The following NRG3 variants were observed in gnomAD, a reference collection of about 807,000 sequenced individuals.
The protein encoded by NRG3 is neuregulin 3.
Under a neutral mutation model 66.9 loss-of-function variants are expected in NRG3, and 31 were observed. That is an observed-to-expected ratio of 0.46 (90% CI 0.35 to 0.63). NRG3 has a LOEUF of 0.63. Among genes scored for constraint, NRG3 ranks in the 20% least tolerant of loss-of-function variants. NRG3 has a pLI of 0.00. For synonymous variants in NRG3, 393 were observed against 359.4 expected (o/e 1.09, Z -1.06); for missense variants, 910 against 878.9 (o/e 1.04, Z -0.45).
chr10:82,473,613 G>T (rs888581075), intron 2 of NRG3, among the ~76,000 whole-genome samples: 3 of 152,124 alleles, frequency 2.0e-5, no homozygotes, highest in African/African-American at 7.2e-5. Flanking sequence ...GAGCTTTGTG[G>T]CATTTTCACT....
chr10:82,144,422 A>G (rs1013065334), intron 1 of NRG3, among the ~76,000 whole-genome samples: 4 of 152,186 alleles, frequency 2.6e-5, no homozygotes, highest in Admixed American at 2.6e-4. Flanking sequence ...GTGTATTATC[A>G]TAGGCAACAC....
At chr10:82,427,324 C>A (rs528922064) in intron 2 of NRG3, among the ~76,000 whole-genome samples, 1 of 152,166 alleles carries the variant, frequency 6.6e-6, no homozygotes, top group Admixed American at 6.5e-5. Flanking sequence ...TTTTCATAAA[C>A]GCTCCTTATG....
chr10:82,335,196 G>A (rs78798069), intron 1 of NRG3, among the ~76,000 whole-genome samples: 3,405 of 152,276 alleles, frequency 0.022, 48 homozygotes, highest in African/African-American at 0.039. Context: ...TGAATTAGGA[G>A]TGATGATGTT....
intron 1 of NRG3, among the ~76,000 whole-genome samples, chr10:82,207,597 A>G (rs1203563386): frequency 3.9e-5 from 6 of 152,188 alleles, no homozygotes; most frequent in Non-Finnish European, 8.8e-5. Flanking sequence ...TCACGCTGCT[A>G]TGAAGAAATA....
At chr10:82,321,875 G>T (rs143315730) in intron 1 of NRG3, among the ~76,000 whole-genome samples, 30 of 152,090 alleles carry the variant, frequency 2.0e-4, no homozygotes, top group African/African-American at 5.8e-4. Context: ...TTGTATTCTT[G>T]TTGGGCAGTC....
chr10:82,872,279 T>A (rs1326121203), intron 4 of NRG3, among the ~76,000 whole-genome samples: 2 of 152,180 alleles, frequency 1.3e-5, no homozygotes, highest in East Asian at 3.8e-4. Context: ...TGTTTTCCAT[T>A]GTTCTATTTT....
chr10:82,132,485 T>TATATCATATATATATATATC, intron 1 of NRG3, among the ~76,000 whole-genome samples: 1 of 100,418 alleles, frequency 1.0e-5, no homozygotes, highest in South Asian at 2.8e-4. Context: ...ATATGATATA[T>TATATCATATATATATATATC]ATATATGATA....
intron 7 of NRG3, among the ~76,000 whole-genome samples, chr10:82,975,794 C>T (rs1852194736): frequency 6.6e-6 from 1 of 152,144 alleles, no homozygotes; most frequent in Non-Finnish European, 1.5e-5. Flanking sequence ...AGGCATAAAA[C>T]TCTTTTTAAG....
Position 82,984,984 on chromosome 10 carries a change from G to T in NRG3, c.1584-114G>T. On this transcript the variant is annotated intron_variant, in intron 8 of 8. Transcript: ENST00000372141. ...GGGAACCTATTATCCGTCTCATGGG[G>T]TTGCTGTGAGAATTCAGTGAGATGG... The T allele has an allele frequency of 4.5e-6, 6 of 1,344,344 alleles. 1 individual carries two copies. In the South Asian group the frequency reaches 6.3e-5, roughly 14 times the overall value. 83.3% of individuals were successfully genotyped at this position (1,344,344 alleles called of 1,614,324 possible).
chr10:82,932,278 T>C (rs1485390804), intron 4 of NRG3, among the ~76,000 whole-genome samples: 1 of 152,204 alleles, frequency 6.6e-6, no homozygotes, highest in African/African-American at 2.4e-5. Context: ...CACATTACCC[T>C]CACCTTCATT....
At chr10:82,001,183 G>C (rs2061150366) in intron 1 of NRG3, among the ~76,000 whole-genome samples, 1 of 141,960 alleles carries the variant, frequency 7.0e-6, no homozygotes. Context: ...TTTAAAAAAG[G>C]AAAGTGTAAG....
At chr10:82,656,842 A>C (rs1262190267) in intron 2 of NRG3, among the ~76,000 whole-genome samples, 1 of 152,158 alleles carries the variant, frequency 6.6e-6, no homozygotes, top group African/African-American at 2.4e-5. Flanking sequence ...TTGGAAAATA[A>C]AAGATCTCTT....
At chr10:82,464,440 A>G (rs1341940631) in intron 2 of NRG3, among the ~76,000 whole-genome samples, 1 of 152,162 alleles carries the variant, frequency 6.6e-6, no homozygotes, top group Non-Finnish European at 1.5e-5. Flanking sequence ...CAAACTACCA[A>G]TTAAAGAAGA....
intron 1 of NRG3, among the ~76,000 whole-genome samples, chr10:81,934,185 AT>A (rs1349782391): frequency 3.3e-5 from 5 of 152,204 alleles, no homozygotes; most frequent in Non-Finnish European, 5.9e-5. Context: ...AGGTACTATA[AT>A]TGCAGATTAT....
intron 1 of NRG3, among the ~76,000 whole-genome samples, chr10:82,200,533 G>C (rs1453954017): frequency 6.6e-6 from 1 of 152,158 alleles, no homozygotes; most frequent in Non-Finnish European, 1.5e-5. Context: ...AGGGGATAGG[G>C]ATATAGGAGG....
intron 1 of NRG3, among the ~76,000 whole-genome samples, chr10:82,162,967 G>A (rs990451627): frequency 6.6e-6 from 1 of 152,068 alleles, no homozygotes; most frequent in Non-Finnish European, 1.5e-5. Flanking sequence ...AGTTGGCAGG[G>A]TGACAGAGAA....
At chr10:82,396,113 C>A (rs935497913) in intron 2 of NRG3, among the ~76,000 whole-genome samples, 1 of 152,178 alleles carries the variant, frequency 6.6e-6, no homozygotes, top group Non-Finnish European at 1.5e-5. Context: ...ATACTCCTTT[C>A]AAAGACTGGA....
intron 2 of NRG3, among the ~76,000 whole-genome samples, chr10:82,665,879 C>A (rs2052735490): frequency 6.6e-6 from 1 of 151,968 alleles, no homozygotes; most frequent in African/African-American, 2.4e-5. Context: ...CATTTTTTTT[C>A]TTTCAGACAG....
intron 1 of NRG3, among the ~76,000 whole-genome samples, chr10:82,344,617 T>C (rs893502747): frequency 7.1e-6 from 1 of 139,862 alleles, no homozygotes; most frequent in Non-Finnish European, 1.5e-5. Flanking sequence ...TTTCCAGTTC[T>C]AGATCCCTGA....
Sources: allele counts gnomAD v4.1 joint callset (sites outside exome capture counted in the v4.1 genomes callset), GRCh38; gene constraint gnomAD v4.1.1; transcripts MANE v1.5; gene names NCBI Gene and HGNC (gene_info 2026-07-23, HGNC 2026-07-21).